The following ATRX variants were observed in gnomAD, a reference collection of about 807,000 sequenced individuals.
The protein encoded by ATRX is chromatin remodeler ATRX.
In ATRX, 12 loss-of-function variants were observed where a neutral mutation model predicts 172.6. The ratio of observed to expected loss-of-function variants is 0.07; its 90% CI spans 0.04 to 0.11. The LOEUF (loss-of-function observed/expected upper bound fraction) is 0.11, where lower values mean the gene tolerates loss of function less well. ATRX is among the 10% of genes least tolerant of loss of function. ATRX has a pLI of 1.00. For synonymous variants in ATRX, 674 were observed against 594.7 expected, an observed-to-expected ratio of 1.13 and a Z score of -1.94; for missense variants, 1,368 against 1,767.4, an observed-to-expected ratio of 0.77 and a Z score of 4.05.
chrX:77,508,328 TC>T lies in ATRX; in HGVS notation c.*22del. On this transcript the variant is annotated 3_prime_UTR_variant, in exon 35 of 35. Transcript: ENST00000373344. ...AAAGATCTTTCTATGATTTTAACAA[TC>T]CATTAAGCTTTTAGTGCAAAATCAC... 1.7e-6 allele frequency: 2 copies of T among 1,204,089 alleles called. No homozygotes were observed. The highest frequency in any genetic ancestry group is 2.3e-6 in the Non-Finnish European group (2 of 888,627).
rs2062752812 is a variant in ATRX at position 77,508,262 on chromosome X, T to C, written c.*89A>G. ...GCATTTAAGGGGACCAAACTATTTA[T>C]ACAGTTGAGTTCTGTTAAGTCATTG... On this transcript the variant is annotated 3_prime_UTR_variant, in exon 35 of 35. Transcript: ENST00000373344. 2 of 1,081,120 alleles carry C rather than the reference T, an allele frequency of 1.8e-6. No homozygotes were observed. The highest frequency in any genetic ancestry group is 1.9e-5 in the South Asian group (1 of 51,684). 89.1% of individuals were successfully genotyped at this position (1,081,120 alleles called of 1,213,427 possible). A position where few individuals can be genotyped will look rare whatever the true frequency, so the allele number is the denominator to read the frequency against.
intron 2 of ATRX, among the ~76,000 whole-genome samples, chrX:77,711,127 C>T (rs781887720): frequency 8.9e-6 from 1 of 111,738 alleles, no homozygotes; most frequent in East Asian, 2.8e-4. Flanking sequence ...TTTATAATTA[C>T]AAATAGAAAT....
chrX:77,660,950 G>A (rs2069857102), intron 12 of ATRX, among the ~76,000 whole-genome samples: 1 of 111,732 alleles, frequency 8.9e-6, no homozygotes, highest in Non-Finnish European at 1.9e-5. Flanking sequence ...CCTCCTATAA[G>A]ACTCAAGTCA....
chrX:77,525,835 A>AT (rs1215667942), intron 30 of ATRX, among the ~76,000 whole-genome samples: 1 of 112,525 alleles, frequency 8.9e-6, no homozygotes, highest in Non-Finnish European at 1.9e-5. Context: ...GGAAATAGAC[A>AT]TTGTCAAGTG....
intron 1 of ATRX, among the ~76,000 whole-genome samples, chrX:77,767,212 A>AAGAGAG (rs2075994879): frequency 9.5e-6 from 1 of 105,047 alleles, no homozygotes; most frequent in Non-Finnish European, 2.0e-5. Context: ...AGACCGTGGA[A>AAGAGAG]AGAGAGGGAG....
intron 1 of ATRX, among the ~76,000 whole-genome samples, chrX:77,740,333 T>C (rs1166610317): frequency 5.4e-5 from 6 of 110,328 alleles, no homozygotes; most frequent in Non-Finnish European, 1.1e-4. Flanking sequence ...AGGCCAAATA[T>C]GGATTAGTTT....
chrX:77,640,331 G>A (rs1275819488), intron 15 of ATRX, among the ~76,000 whole-genome samples: 2 of 109,141 alleles, frequency 1.8e-5, no homozygotes, highest in Non-Finnish European at 3.8e-5. Context: ...TAAACTAAAA[G>A]CTGAAATTTT....
chrX:77,767,964 T>A (rs1227180767), intron 1 of ATRX, among the ~76,000 whole-genome samples: 3 of 111,442 alleles, frequency 2.7e-5, no homozygotes, highest in Admixed American at 9.6e-5. Flanking sequence ...CAGTTTAAAA[T>A]GAGAGACTGA....
intron 22 of ATRX, among the ~76,000 whole-genome samples, chrX:77,607,708 CAAAAAAAAAA>C (rs35946932): frequency 4.9e-5 from 2 of 41,160 alleles, no homozygotes; most frequent in African/African-American, 9.5e-5. Flanking sequence ...GACTCTGTCT[CAAAAAAAAAA>C]AAAAAAAAAA....
In ATRX at chrX:77,683,970, G is replaced by T. The variant is rs1557141951; in HGVS notation, c.1286C>A (p.Thr429Asn). The change falls in exon 9 of 35, where the codon ACC (threonine) becomes AAC (asparagine). Residue 429 changes from threonine (T) to asparagine (N), a missense_variant. Coordinates refer to ENST00000373344, the MANE Select transcript of ATRX (RefSeq NM_000489.6). ...AGCATCTATGACTTTATGCTCTTTG[G>T]TATTTTTCTCTTTGTTTACAGCATC... Reference protein sequence around the residue: ...AMDAVNKEKNTKEHKVIDAKF... With the variant: ...AMDAVNKEKNNKEHKVIDAKF... 1.7e-6 allele frequency: 2 copies of T among 1,209,983 alleles called. No homozygotes were observed. Among genetic ancestry groups the T allele is most frequent in the East Asian group, 5.9e-5 (2 of 33,835 alleles).
rs139319375 is a variant in ATRX at position 77,609,511 on chromosome X, G to T, written c.5566+7102C>A. ...CTAAGTTTTTTGTTTTTTGTTTTGAGGCAGCTCTGTCACAAAGGCTGGAAT... is the reference window on the plus strand; with the variant it reads ...CTAAGTTTTTTGTTTTTTGTTTTGATGCAGCTCTGTCACAAAGGCTGGAAT... On this transcript the variant is annotated intron_variant, in intron 22 of 34. Coordinates refer to ENST00000373344, the MANE Select transcript of ATRX (RefSeq NM_000489.6). Among the ~76,000 whole-genome samples the T allele has an allele frequency of 6.4e-3, 719 of 112,020 alleles. 9 individuals are homozygous for T. Among genetic ancestry groups the T allele is most frequent in the African/African-American group, 0.022 (685 of 30,858 alleles).
chrX:77,731,310 A>G (rs2074289389), intron 1 of ATRX, among the ~76,000 whole-genome samples: 1 of 111,916 alleles, frequency 8.9e-6, no homozygotes, highest in Non-Finnish European at 1.9e-5. Flanking sequence ...GAACACAGCT[A>G]TAACAAATAA....
chrX:77,524,257 G>A (rs2063316177), intron 30 of ATRX, among the ~76,000 whole-genome samples: 1 of 111,547 alleles, frequency 9.0e-6, no homozygotes, highest in Admixed American at 9.6e-5. Flanking sequence ...TGAAAACCTG[G>A]ATCTATAAAA....
In ATRX at chrX:77,639,925, A is replaced by C. The variant is rs183870446; in HGVS notation, c.4558-3869T>G. On this transcript the variant is annotated intron_variant, in intron 15 of 34. Transcript: ENST00000373344. ...CTATTCACAATAGCAAAGACATGTA[A>C]TCAGCCTAGGTGACCATGAATGGTG... Among the ~76,000 whole-genome samples, 18 of 112,665 alleles carry C rather than the reference A, an allele frequency of 1.6e-4. 1 individual carries two copies. The East Asian group carries it at 4.7e-3, about 29-fold the overall frequency.
chrX:77,557,747 C>T, intron 29 of ATRX, 102 bp from the exon 30 acceptor site: 1 of 739,863 alleles, frequency 1.4e-6, no homozygotes. Flanking sequence ...AATGGTAAAA[C>T]TTTATGGTAG....
Position 77,683,369 on chromosome X carries a change from A to C in ATRX, c.1887T>G (p.Leu629=). Reference sequence around the variant, plus strand: ...GCTCATTATCACTGTTTTCCTGTCCAAGTCCACATTTCTCTAACTTGGGGT... The same window carrying C: ...GCTCATTATCACTGTTTTCCTGTCCCAGTCCACATTTCTCTAACTTGGGGT... ...GLNPKLEKCG[L]GQENSDNEHL... The change falls in exon 9 of 35, where the codon CTT becomes CTG. Residue 629 remains leucine, a synonymous_variant. Transcript: ENST00000373344. 8.3e-7 allele frequency: 1 copy of C among 1,211,467 alleles called. No homozygotes were observed. The highest frequency in any genetic ancestry group is 3.0e-5 in the East Asian group (1 of 33,827).
intron 2 of ATRX, among the ~76,000 whole-genome samples, chrX:77,710,111 C>G (rs781853293): frequency 6.0e-4 from 66 of 109,711 alleles, no homozygotes; most frequent in African/African-American, 2.2e-3. Flanking sequence ...CCAGCCTGGC[C>G]AACATGGTGA....
At chrX:77,523,105 C>T in intron 31 of ATRX, 147 bp downstream of exon 31, 1 of 786,929 alleles carries the variant, frequency 1.3e-6, no homozygotes, top group East Asian at 3.2e-5. Flanking sequence ...CTGAAACCAA[C>T]CCATAAAGAG....
rs1435953381 is a variant in ATRX at position 77,505,406 on chromosome X, T to C, written c.*2945A>G. On this transcript the variant is annotated 3_prime_UTR_variant, in exon 35 of 35. Transcript: ENST00000373344. Reference sequence around the variant, plus strand: ...ATCAAGTGTGGGTTGGTAGCCCTGCTTGACTTAAAATGAGTGTTACAGCTG... The same window carrying C: ...ATCAAGTGTGGGTTGGTAGCCCTGCCTGACTTAAAATGAGTGTTACAGCTG... The C allele has an allele frequency of 5.8e-6, 1 of 172,643 alleles. No individual in the cohort carries two copies. Among genetic ancestry groups the C allele is most frequent in the African/African-American group, 3.0e-5 (1 of 33,636 alleles). The allele number at this position is 172,643 out of a possible 1,213,427, so 14.2% of individuals were successfully genotyped here.
Sources: gnomAD v4.1 joint callset for allele counts (sites outside exome capture counted in the v4.1 genomes callset) on GRCh38, gnomAD v4.1.1 for gene constraint, MANE v1.5 for transcripts, NCBI Gene and HGNC (gene_info 2026-07-23, HGNC 2026-07-21) for gene names.